The following KAT6B variants were observed in gnomAD, a reference collection of about 807,000 sequenced individuals.
KAT6B encodes the protein histone acetyltransferase KAT6B.
A neutral mutation model predicts 187.5 loss-of-function variants in KAT6B; 10 were observed. The ratio of observed to expected loss-of-function variants is 0.05; its 90% confidence interval spans 0.03 to 0.09. KAT6B has a LOEUF of 0.09. Among genes scored for constraint, KAT6B ranks in the 10% least tolerant of loss-of-function variants. KAT6B has a pLI of 1.00. For synonymous variants in KAT6B, 861 were observed against 926.8 expected (o/e 0.93, Z 1.29); for missense variants, 1,952 against 2,558.9 (o/e 0.76, Z 5.12).
At chr10:74,874,868 T>C (rs560179874) in intron 3 of KAT6B, among the ~76,000 whole-genome samples, 5 of 152,090 alleles carry the variant, frequency 3.3e-5, no homozygotes, top group Middle Eastern at 3.4e-3. Flanking sequence ...AAGTAGACTT[T>C]TTTTTGAAGA....
chr10:74,954,327 A>G (rs554819883), intron 3 of KAT6B, among the ~76,000 whole-genome samples: 2 of 152,338 alleles, frequency 1.3e-5, no homozygotes, highest in South Asian at 2.1e-4. Flanking sequence ...GGAAGAGAAT[A>G]TGGGAAATTA....
chr10:74,987,816 C>G (rs189259652), intron 12 of KAT6B, among the ~76,000 whole-genome samples: 14 of 152,352 alleles, frequency 9.2e-5, no homozygotes, highest in African/African-American at 2.6e-4. Context: ...AGGATGAATT[C>G]TCTTAACCCA....
chr10:74,946,900 A>G (rs979374726), intron 3 of KAT6B, among the ~76,000 whole-genome samples: 19 of 152,206 alleles, frequency 1.2e-4, no homozygotes, highest in Admixed American at 9.2e-4. Flanking sequence ...AACAACGGGA[A>G]TGTAGTCAGT....
intron 7 of KAT6B, among the ~76,000 whole-genome samples, chr10:74,973,064 C>G (rs1454988183): frequency 6.6e-6 from 1 of 152,188 alleles, no homozygotes; most frequent in Non-Finnish European, 1.5e-5. Context: ...ATACCTCTCT[C>G]TTCTGATAGT....
chr10:74,912,632 A>G (rs988234036), intron 3 of KAT6B, among the ~76,000 whole-genome samples: 39 of 152,358 alleles, frequency 2.6e-4, no homozygotes, highest in African/African-American at 7.9e-4. Flanking sequence ...AACATCAGTT[A>G]TAACAGCTGT....
At chr10:75,027,762 A>G (rs1196187838) in intron 17 of KAT6B, among the ~76,000 whole-genome samples, 1 of 152,178 alleles carries the variant, frequency 6.6e-6, no homozygotes, top group Non-Finnish European at 1.5e-5. Context: ...CATCAGCAAC[A>G]TATTGATCCA....
intron 3 of KAT6B, among the ~76,000 whole-genome samples, chr10:74,904,391 C>G (rs1271781324): frequency 6.6e-6 from 1 of 151,792 alleles, no homozygotes; most frequent in Non-Finnish European, 1.5e-5. Flanking sequence ...GACTGAGGTC[C>G]TCTTCTCCCA....
chr10:74,899,269 T>TATTATTATC (rs1846212430), intron 3 of KAT6B, among the ~76,000 whole-genome samples: 1 of 147,834 alleles, frequency 6.8e-6, no homozygotes, highest in Non-Finnish European at 1.5e-5. Context: ...TTATTATTAT[T>TATTATTATC]ATTATTATTA....
At chr10:74,829,195 C>T (rs1342788572) in intron 1 of KAT6B, among the ~76,000 whole-genome samples, 1 of 152,092 alleles carries the variant, frequency 6.6e-6, no homozygotes, top group Non-Finnish European at 1.5e-5. Flanking sequence ...TTATTTCACA[C>T]ACTGCTTTTG....
chr10:74,931,627 CT>C (rs965372844), intron 3 of KAT6B, among the ~76,000 whole-genome samples: 6 of 152,294 alleles, frequency 3.9e-5, no homozygotes, highest in Admixed American at 6.5e-5. Context: ...ATTTTTAAAG[CT>C]GTTTACCATA....
At chr10:74,854,003 C>G (rs908359673) in intron 3 of KAT6B, among the ~76,000 whole-genome samples, 1 of 152,048 alleles carries the variant, frequency 6.6e-6, no homozygotes, top group African/African-American at 2.4e-5. Context: ...TATAAACTTC[C>G]TTTTCTTGGC....
At chr10:74,929,129 C>T (rs1156907369) in intron 3 of KAT6B, among the ~76,000 whole-genome samples, 1 of 152,156 alleles carries the variant, frequency 6.6e-6, no homozygotes, top group Non-Finnish European at 1.5e-5. Context: ...GACATAGCTT[C>T]CAGGATTTAT....
chr10:74,898,062 A>G (rs1303729731), intron 3 of KAT6B, among the ~76,000 whole-genome samples: 1 of 152,186 alleles, frequency 6.6e-6, no homozygotes, highest in African/African-American at 2.4e-5. Flanking sequence ...TTTGTCAACA[A>G]TAAATCTATA....
At chr10:74,927,958 C>CA (rs1286845739) in intron 3 of KAT6B, among the ~76,000 whole-genome samples, 2 of 152,140 alleles carry the variant, frequency 1.3e-5, no homozygotes, top group African/African-American at 2.4e-5. Flanking sequence ...AACTCATCAA[C>CA]AAAAAGTGCT....
rs192934147 is a variant in KAT6B, at chr10:74,834,259, G to A, written c.-328-4424G>A. ...TGTTGCCAGGCTGGAGTGCAGTGGC[G>A]CGATCTCGGCTCACTGCATCCACCA... On this transcript the variant is annotated intron_variant, in intron 1 of 17. Transcript: ENST00000287239. 6.3e-3 allele frequency among the ~76,000 whole-genome samples: 950 copies of A among 150,682 alleles called. 5 individuals are homozygous for A. Among genetic ancestry groups the A allele is most frequent in the Non-Finnish European group, 0.011 (723 of 67,698 alleles).
rs932270769 is a variant in KAT6B at position 74,954,193 on chromosome 10, G to A, written c.622-5777G>A. On this transcript the variant is annotated intron_variant, in intron 3 of 17. Coordinates refer to ENST00000287239, the MANE Select transcript of KAT6B (RefSeq NM_012330.4). The stretch of plus-strand genomic sequence containing the variant: ...GTCTCTCCATGGCCTCTTGATTATA[G>A]GGGCCTCTTATTGCCTCAAGAATAA... Among the ~76,000 whole-genome samples, 29 of 152,268 alleles carry A rather than the reference G, an allele frequency of 1.9e-4. 1 individual carries two copies. The highest frequency in any genetic ancestry group is 1.6e-3 in the Admixed American group (25 of 15,300).
chr10:75,018,881 C>T (rs1240917963), intron 13 of KAT6B, among the ~76,000 whole-genome samples: 1 of 152,118 alleles, frequency 6.6e-6, no homozygotes, highest in Non-Finnish European at 1.5e-5. Context: ...GGTTCTCACC[C>T]CCCCAGGAGT....
chr10:74,868,766 A>G (rs1456516634), intron 3 of KAT6B, among the ~76,000 whole-genome samples: 1 of 152,150 alleles, frequency 6.6e-6, no homozygotes, highest in Admixed American at 6.5e-5. Context: ...CCGTTTATAT[A>G]TGCTCTTTCA....
At chr10:74,859,272 A>G (rs1442386286) in intron 3 of KAT6B, among the ~76,000 whole-genome samples, 1 of 150,708 alleles carries the variant, frequency 6.6e-6, no homozygotes, top group African/African-American at 2.4e-5. Context: ...TTTAGTAGAG[A>G]TGGGGTTTCA....
Sources: allele counts gnomAD v4.1 joint callset (sites outside exome capture counted in the v4.1 genomes callset), GRCh38; gene constraint gnomAD v4.1.1; transcripts MANE v1.5; gene names NCBI Gene and HGNC (gene_info 2026-07-23, HGNC 2026-07-21).